Variants in C17orf99 observed in about 807,000 individuals in gnomAD.
C17orf99 encodes the protein chromosome 17 open reading frame 99.
Under a neutral mutation model 22.6 loss-of-function variants are expected in C17orf99, and 18 were observed. The ratio of observed to expected loss-of-function variants is 0.80; its 90% CI spans 0.55 to 1.18. The LOEUF is 1.18. Ranked by LOEUF, C17orf99 falls within the 50% of genes most tolerant of loss-of-function variation. C17orf99 has a pLI of 0.00. For synonymous variants in C17orf99, 147 were observed against 136.6 expected (o/e 1.08, Z -0.53); for missense variants, 328 against 342.7 (o/e 0.96, Z 0.34).
At chr17:78,157,321 T>G (rs1338249986) in intron 2 of C17orf99, 3 of 555,482 alleles carry the variant, frequency 5.4e-6, no homozygotes, top group South Asian at 3.4e-5. Flanking sequence ...CTAAGACCTG[T>G]GTTCAGCAGC....
In C17orf99 at chr17:78,166,177, AG is replaced by A. The variant is rs1255388649; in HGVS notation, c.*134del. 7.9e-6 allele frequency: 3 copies of A among 380,960 alleles called. No individual in the cohort carries two copies. Among genetic ancestry groups the A allele is most frequent in the Non-Finnish European group, 1.4e-5 (3 of 214,532 alleles). 23.6% of individuals were successfully genotyped at this position (380,960 alleles called of 1,614,324 possible). On this transcript the variant is annotated 3_prime_UTR_variant, in exon 5 of 5. Transcript: ENST00000340363. The stretch of plus-strand genomic sequence containing the variant: ...CCACAAAAAAAAAAAAAAAAAAAAA[AG>A]GGTAACTATGAGAGATGGTGGATAT...
chr17:78,165,157 G>C (rs911781359), intron 4 of C17orf99: 3 of 1,008,254 alleles, frequency 3.0e-6, no homozygotes, highest in African/African-American at 1.7e-5. Flanking sequence ...TGTAGTGTCT[G>C]AGTGCAGGCA....
chr17:78,161,701 G>T (rs2075578001), intron 3 of C17orf99, among the ~76,000 whole-genome samples: 1 of 151,998 alleles, frequency 6.6e-6, no homozygotes. Context: ...AAGATTAGCT[G>T]GGCGTGGCGG....
upstream of C17orf99, chr17:78,146,309 G>A: frequency 1.8e-6 from 2 of 1,124,198 alleles, no homozygotes; most frequent in Non-Finnish European, 2.5e-6. The surrounding 1 kb of genome is among the most constrained non-coding windows in gnomAD (Gnocchi z 5.2). Context: ...CCCCACTGCA[G>A]GCACCCACCC....
rs535542222 is a variant in C17orf99 at position 78,160,010 on chromosome 17, A to T, written c.71-945A>T. 2.4e-4 allele frequency: 110 copies of T among 449,850 alleles called. 1 individual carries two copies. The highest frequency in any genetic ancestry group is 1.7e-3 in the South Asian group (108 of 63,090). The allele number at this position is 449,850 out of a possible 1,614,324, so 27.9% of individuals were successfully genotyped here. ...CGTTTCCACCATTTGGCTGTGGTGA[A>T]TCACGCTGCCATGAGCGTGTGTGTA... On this transcript the variant is annotated intron_variant, in intron 2 of 4. Coordinates refer to ENST00000340363, the MANE Select transcript of C17orf99 (RefSeq NM_001163075.2).
intron 2 of C17orf99, among the ~76,000 whole-genome samples, chr17:78,152,635 A>C (rs954258447): frequency 8.7e-6 from 1 of 114,568 alleles, no homozygotes; most frequent in African/African-American, 4.6e-5. Flanking sequence ...GCACCCAGCC[A>C]ATTTTTTTTT....
At chr17:78,162,184 G>C (rs1207801808) in intron 3 of C17orf99, among the ~76,000 whole-genome samples, 3 of 151,326 alleles carry the variant, frequency 2.0e-5, no homozygotes, top group Middle Eastern at 3.2e-3. Context: ...GCTGAGGCAA[G>C]AGAGTCACTT....
chr17:78,153,207 G>A (rs1369764277), intron 2 of C17orf99, among the ~76,000 whole-genome samples: 1 of 152,016 alleles, frequency 6.6e-6, no homozygotes, highest in East Asian at 1.9e-4. Context: ...GTGTGCGGCC[G>A]GGGACGGTGG....
At chr17:78,153,918 CTTTTTTTTTTTTTT>C (rs532705146) in intron 2 of C17orf99, among the ~76,000 whole-genome samples, 2 of 79,542 alleles carry the variant, frequency 2.5e-5, no homozygotes, top group African/African-American at 1.1e-4. Flanking sequence ...AGTATTCCTT[CTTTTTTTTTTTTTT>C]TTTTTTTTTT....
intron 2 of C17orf99, chr17:78,158,440 A>C: frequency 4.9e-6 from 1 of 205,930 alleles, no homozygotes; most frequent in South Asian, 7.0e-5. Context: ...GACTACGGGC[A>C]CCCACTGCCA....
At chr17:78,151,100 G>A (rs1251378313) in intron 2 of C17orf99, among the ~76,000 whole-genome samples, 10 of 151,680 alleles carry the variant, frequency 6.6e-5, no homozygotes, top group Non-Finnish European at 1.5e-4. Context: ...TGCAGCCTGG[G>A]CGACAGAGTG....
At chr17:78,164,679 C>A in intron 4 of C17orf99, 2 of 1,419,776 alleles carry the variant, frequency 1.4e-6, no homozygotes, top group Non-Finnish European at 1.9e-6. Flanking sequence ...AATGGGTGCT[C>A]GATGCAGGGA....
intron 2 of C17orf99, among the ~76,000 whole-genome samples, chr17:78,159,567 A>G (rs1037451738): frequency 6.8e-6 from 1 of 146,732 alleles, no homozygotes; most frequent in African/African-American, 2.6e-5. Flanking sequence ...TGAACACGGG[A>G]GGCGACAGTG....
In C17orf99 at chr17:78,161,018, T is replaced by C; in HGVS notation, c.134T>C (p.Val45Ala). 1 of 1,551,562 alleles carries C rather than the reference T, an allele frequency of 6.4e-7. No homozygotes were observed. The highest frequency in any genetic ancestry group is 2.4e-5 in the East Asian group (1 of 40,924). ...VLEVFPKGRW[V>A]LITCCAPQPP... ...GAAGTTTTCCCCAAAGGCCGCTGGG[T>C]GCTCATAACCTGCTGTGCACCCCAG... The change falls in exon 3 of 5, where the codon GTG becomes GCG. Residue 45 changes from valine (V) to alanine (A), a missense_variant. Physicochemically the swap from Val to Ala is moderately conservative, Grantham distance 64. Transcript: ENST00000340363.
chr17:78,160,803 G>T, intron 2 of C17orf99, 152 bp from the exon 3 acceptor site: 1 of 639,296 alleles, frequency 1.6e-6, no homozygotes, highest in Non-Finnish European at 2.7e-6. Context: ...CACTGGTTTT[G>T]AACTCCTGAC....
At chr17:78,156,620 A>T (rs1266579387) in intron 2 of C17orf99, among the ~76,000 whole-genome samples, 3 of 151,826 alleles carry the variant, frequency 2.0e-5, no homozygotes, top group Admixed American at 6.6e-5. Flanking sequence ...TAATTAATTA[A>T]TTTTTTTAGA....
intron 2 of C17orf99, among the ~76,000 whole-genome samples, chr17:78,150,742 G>C (rs532937431): frequency 6.6e-6 from 1 of 152,270 alleles, no homozygotes; most frequent in East Asian, 1.9e-4. Flanking sequence ...GAGGGATCTG[G>C]TTTCCATTAG....
intron 2 of C17orf99, among the ~76,000 whole-genome samples, chr17:78,149,859 G>T (rs1237841172): frequency 1.3e-5 from 2 of 151,282 alleles, no homozygotes; most frequent in African/African-American, 4.9e-5. Context: ...ACAGGCACAT[G>T]CCACCACGCC....
At chr17:78,152,027 A>G (rs1305530704) in intron 2 of C17orf99, among the ~76,000 whole-genome samples, 2 of 152,070 alleles carry the variant, frequency 1.3e-5, no homozygotes, top group African/African-American at 4.8e-5. Context: ...AGCCCTCCAC[A>G]GTTTCCCTGC....
Sources: allele counts gnomAD v4.1 joint callset (sites outside exome capture counted in the v4.1 genomes callset), GRCh38; gene constraint gnomAD v4.1.1; non-coding constraint Gnocchi (gnomAD v3.1); transcripts MANE v1.5; gene names NCBI Gene and HGNC (gene_info 2026-07-23, HGNC 2026-07-21).